The following ASAP1 variants were observed in gnomAD, a reference collection of about 807,000 sequenced individuals.
ASAP1 encodes the protein arf-GAP with SH3 domain, ANK repeat and PH domain-containing protein 1.
In ASAP1, 43 loss-of-function variants were observed where a neutral mutation model predicts 145.2. The observed-to-expected ratio is 0.30, with a 90% CI of 0.23 to 0.38. ASAP1 has a LOEUF of 0.38. ASAP1 is among the 10% of genes least tolerant of loss of function. ASAP1 has a pLI of 1.00. For missense variants in ASAP1, 1,018 were observed against 1,355.3 expected (o/e 0.75, Z 3.91); for synonymous variants, 546 against 515.5 (o/e 1.06, Z -0.80).
chr8:130,197,275 C>T (rs181268560), intron 5 of ASAP1, among the ~76,000 whole-genome samples: 1 of 152,330 alleles, frequency 6.6e-6, no homozygotes. Flanking sequence ...CAAAAAAATA[C>T]AAACATTAGC....
intron 1 of ASAP1, among the ~76,000 whole-genome samples, chr8:130,410,639 G>C (rs889589687): frequency 1.3e-5 from 2 of 152,218 alleles, no homozygotes; most frequent in Non-Finnish European, 2.9e-5. Context: ...TATCTTCAAG[G>C]TCATTTCAAA....
At chr8:130,346,646 C>T (rs978241779) in intron 3 of ASAP1, among the ~76,000 whole-genome samples, 12 of 152,202 alleles carry the variant, frequency 7.9e-5, no homozygotes, top group African/African-American at 2.9e-4. Flanking sequence ...GCAATGTTCG[C>T]AGATTCTGAA....
intron 3 of ASAP1, among the ~76,000 whole-genome samples, chr8:130,266,940 G>T (rs1478548812): frequency 6.6e-6 from 1 of 151,660 alleles, no homozygotes; most frequent in Admixed American, 6.6e-5. Flanking sequence ...CACAGAGAAA[G>T]AAAAAGTAGG....
chr8:130,251,284 G>A (rs1262096603), intron 3 of ASAP1, among the ~76,000 whole-genome samples: 1 of 152,146 alleles, frequency 6.6e-6, no homozygotes, highest in Non-Finnish European at 1.5e-5. Context: ...CCGATGTGGT[G>A]ATGGGCACTT....
chr8:130,151,893 T>C (rs1325697376), intron 13 of ASAP1, among the ~76,000 whole-genome samples: 1 of 152,236 alleles, frequency 6.6e-6, no homozygotes, highest in Non-Finnish European at 1.5e-5. Flanking sequence ...CTTCCAATTC[T>C]GTGAGTAACT....
At chr8:130,301,019 T>TG (rs919047232) in intron 3 of ASAP1, among the ~76,000 whole-genome samples, 6 of 152,190 alleles carry the variant, frequency 3.9e-5, no homozygotes, top group Non-Finnish European at 8.8e-5. Context: ...AAAGCCATAA[T>TG]GGGGCTTCTT....
intron 7 of ASAP1, among the ~76,000 whole-genome samples, chr8:130,182,682 G>A (rs1322735909): frequency 6.6e-6 from 1 of 152,044 alleles, no homozygotes; most frequent in Non-Finnish European, 1.5e-5. Flanking sequence ...CAAAATGAAA[G>A]TGAGAGTGAA....
At chr8:130,417,761 A>G (rs1829548883) in intron 1 of ASAP1, among the ~76,000 whole-genome samples, 1 of 152,078 alleles carries the variant, frequency 6.6e-6, no homozygotes, top group Non-Finnish European at 1.5e-5. Flanking sequence ...TTGGCTCTGT[A>G]TTTCTGTTCA....
At chr8:130,425,913 A>G (rs944348369) in intron 1 of ASAP1, among the ~76,000 whole-genome samples, 2 of 152,174 alleles carry the variant, frequency 1.3e-5, no homozygotes, top group Non-Finnish European at 2.9e-5. Context: ...AGGGAGGAAG[A>G]AGAAATCCAT....
At chr8:130,171,052 T>C (rs1237427935) in intron 9 of ASAP1, among the ~76,000 whole-genome samples, 1 of 152,228 alleles carries the variant, frequency 6.6e-6, no homozygotes, top group East Asian at 1.9e-4. Context: ...TTTTCGGCAC[T>C]GCCTATAGCG....
intron 3 of ASAP1, among the ~76,000 whole-genome samples, chr8:130,311,266 T>A (rs1198465886): frequency 6.6e-6 from 1 of 152,164 alleles, no homozygotes; most frequent in Non-Finnish European, 1.5e-5. Context: ...TTTCAAGTTT[T>A]CCCCAATGGC....
At chr8:130,211,089 ACC>A (rs1210514812) in intron 5 of ASAP1, among the ~76,000 whole-genome samples, 1 of 152,140 alleles carries the variant, frequency 6.6e-6, no homozygotes, top group Non-Finnish European at 1.5e-5. Flanking sequence ...TGGGACCAAA[ACC>A]CATGATCCTC....
At chr8:130,107,672 T>C (rs1026717549) in intron 24 of ASAP1, among the ~76,000 whole-genome samples, 2 of 151,946 alleles carry the variant, frequency 1.3e-5, no homozygotes, top group Non-Finnish European at 2.9e-5. Flanking sequence ...CTCAGAATCC[T>C]GAGTAGCTGG....
At chr8:130,116,543 T>C (rs1343201906) in intron 22 of ASAP1, 135 bp downstream of exon 22, 2 of 747,910 alleles carry the variant, frequency 2.7e-6, no homozygotes, top group Non-Finnish European at 4.5e-6. Context: ...ATGTAGCACA[T>C]TGCTCATCTG....
intron 3 of ASAP1, among the ~76,000 whole-genome samples, chr8:130,326,502 CTGGAATGGTAGT>C (rs1180299113): frequency 6.6e-6 from 1 of 152,198 alleles, no homozygotes. Context: ...ACTGGATGTG[CTGGAATGGTAGT>C]TGGTGCAACA....
At chr8:130,292,864 AGAT>A (rs1822030919) in intron 3 of ASAP1, among the ~76,000 whole-genome samples, 1 of 152,238 alleles carries the variant, frequency 6.6e-6, no homozygotes, top group African/African-American at 2.4e-5. Flanking sequence ...AGCAGAGATG[AGAT>A]GATCTCACAA....
chr8:130,305,456 C>T (rs750983321), intron 3 of ASAP1, among the ~76,000 whole-genome samples: 3 of 152,148 alleles, frequency 2.0e-5, no homozygotes, highest in African/African-American at 7.2e-5. Flanking sequence ...CTCCGCCTCC[C>T]GGGTTCAAGC....
At chr8:130,362,842 A>G (rs1055824423) in intron 2 of ASAP1, among the ~76,000 whole-genome samples, 1 of 152,052 alleles carries the variant, frequency 6.6e-6, no homozygotes, top group Admixed American at 6.6e-5. Context: ...GTAAGTTAAG[A>G]CCAACTCACT....
chr8:130,381,460 T>C (rs543044864), intron 2 of ASAP1, among the ~76,000 whole-genome samples: 2 of 152,374 alleles, frequency 1.3e-5, no homozygotes, highest in Admixed American at 1.3e-4. Flanking sequence ...TTTAGACTTA[T>C]AGGACATCTC....
Sources: allele counts gnomAD v4.1 joint callset (sites outside exome capture counted in the v4.1 genomes callset), GRCh38; gene constraint gnomAD v4.1.1; transcripts MANE v1.5; gene names NCBI Gene and HGNC (gene_info 2026-07-23, HGNC 2026-07-21).